FMN2: variants seen among roughly 807,000 people sequenced by gnomAD.
The protein encoded by FMN2 is formin 2.
Under a neutral mutation model 142.3 loss-of-function variants are expected in FMN2, and 51 were observed. The ratio of observed to expected loss-of-function variants is 0.36; its 90% CI spans 0.29 to 0.45. The LOEUF (loss-of-function observed/expected upper bound fraction) is 0.45. FMN2 is among the 20% of genes least tolerant of loss of function. FMN2 has a pLI of 1.00. For missense variants in FMN2, 1,936 were observed against 2,122.8 expected, an observed-to-expected ratio of 0.91 and a Z score of 1.73; for synonymous variants, 882 against 869.8, an observed-to-expected ratio of 1.01 and a Z score of -0.25.
chr1:240,321,326 A>C (rs1479565741), intron 8 of FMN2, among the ~76,000 whole-genome samples: 2 of 152,216 alleles, frequency 1.3e-5, no homozygotes, highest in African/African-American at 4.8e-5. Context: ...TAAAGCAAAA[A>C]TTAGAATGTT....
At chr1:240,114,447 C>A (rs1661939355) in intron 1 of FMN2, among the ~76,000 whole-genome samples, 1 of 152,024 alleles carries the variant, frequency 6.6e-6, no homozygotes, top group African/African-American at 2.4e-5. Flanking sequence ...TTATGATCAC[C>A]CCCAGCAGGG....
At position 240,392,527 on chromosome 1, in the gene FMN2, G is replaced by A. The variant is rs1352980512; in HGVS notation, c.4875G>A (p.Glu1625=). 2.5e-6 allele frequency: 4 copies of A among 1,609,804 alleles called. No individual in the cohort carries two copies. The highest frequency in any genetic ancestry group is 3.3e-4 in the Middle Eastern group (2 of 6,046). The stretch of plus-strand genomic sequence containing the variant: ...CACTTTCAGCCAAAATTGACCAAGA[G>A]GCAGAGGAAAATTCACTGACAGAGA... The part of the protein sequence containing the change: ...QFIIQAKIDQ[E]AEENSLTETH... Residue 1625 remains glutamate (E), a synonymous_variant, in exon 15 of 18, where the codon GAG becomes GAA. Coordinates refer to ENST00000319653, the MANE Select transcript of FMN2 (RefSeq NM_020066.5).
intron 13 of FMN2, chr1:240,341,542 C>A (rs914347944): frequency 9.9e-5 from 15 of 151,778 alleles, no homozygotes; most frequent in Non-Finnish European, 1.9e-4. Context: ...AAATAAAATT[C>A]AGTTGGAACA....
At chr1:240,168,164 A>G (rs1462649567) in intron 2 of FMN2, among the ~76,000 whole-genome samples, 1 of 152,172 alleles carries the variant, frequency 6.6e-6, no homozygotes, top group Middle Eastern at 3.2e-3. Flanking sequence ...GGGTTGTGCT[A>G]TTATTTTTTA....
chr1:240,259,405 G>T (rs1252824104), intron 7 of FMN2, among the ~76,000 whole-genome samples: 1 of 151,952 alleles, frequency 6.6e-6, no homozygotes, highest in Non-Finnish European at 1.5e-5. Flanking sequence ...GGCAGTAGTT[G>T]AAGGGTCATA....
intron 7 of FMN2, among the ~76,000 whole-genome samples, chr1:240,283,268 C>G (rs572921339): frequency 6.6e-6 from 1 of 152,240 alleles, no homozygotes; most frequent in East Asian, 1.9e-4. Flanking sequence ...ATTATAGATG[C>G]AGAGGAGGAA....
chr1:240,255,726 G>T (rs904669990), intron 6 of FMN2, among the ~76,000 whole-genome samples: 1 of 152,114 alleles, frequency 6.6e-6, no homozygotes, highest in Non-Finnish European at 1.5e-5. Flanking sequence ...TGGTGTTGGG[G>T]TGGAACTGAT....
chr1:240,351,457 T>C (rs984231776), intron 13 of FMN2, among the ~76,000 whole-genome samples: 1 of 152,124 alleles, frequency 6.6e-6, no homozygotes, highest in African/African-American at 2.4e-5. Flanking sequence ...AGAGCTGAAA[T>C]TCTACATGTT....
intron 5 of FMN2, 26 bp downstream of exon 5, chr1:240,208,758 G>A: frequency 5.0e-6 from 8 of 1,587,142 alleles, no homozygotes; most frequent in Non-Finnish European, 5.2e-6. Context: ...GCTCGTCTTT[G>A]CACAGTGTGT....
rs1558438974 is a variant in FMN2 at position 240,333,955 on chromosome 1, A to G, written c.4644+9A>G. 1 of 1,602,344 alleles carries G rather than the reference A, an allele frequency of 6.2e-7. No homozygotes were observed. The highest frequency in any genetic ancestry group is 1.7e-5 in the Admixed American group (1 of 59,198). ...TCCGAAATTTTGATGAGGTAAGACA[A>G]TTTTTACATATAGTCATATTCCATT... On this transcript the variant is annotated intron_variant, in intron 12 of 17. Transcript: ENST00000319653.
intron 2 of FMN2, among the ~76,000 whole-genome samples, chr1:240,146,020 C>T (rs964380361): frequency 2.0e-5 from 3 of 151,832 alleles, no homozygotes; most frequent in Admixed American, 2.0e-4. Context: ...CACTCTTCTT[C>T]CCAGGTGTAG....
At chr1:240,206,750 A>G (rs1416797777) in intron 4 of FMN2, 49 bp from the exon 5 acceptor site, 41 of 1,550,912 alleles carry the variant, frequency 2.6e-5, no homozygotes, top group African/African-American at 2.8e-5. Flanking sequence ...TGCTATTTGC[A>G]TTTTTCCTTA....
At chr1:240,469,973 A>T (rs9287243) in intron 16 of FMN2, among the ~76,000 whole-genome samples, 1 of 152,000 alleles carries the variant, frequency 6.6e-6, no homozygotes, top group South Asian at 2.1e-4. Flanking sequence ...GGTCTCTGCC[A>T]TAAGGAATGA....
chr1:240,180,891 G>A (rs1665124026), intron 3 of FMN2, among the ~76,000 whole-genome samples: 1 of 151,478 alleles, frequency 6.6e-6, no homozygotes, highest in Non-Finnish European at 1.5e-5. Flanking sequence ...TTAATTCAAA[G>A]TGAAAGAGTT....
At chr1:240,185,370 G>A (rs1665396022) in intron 3 of FMN2, among the ~76,000 whole-genome samples, 1 of 151,918 alleles carries the variant, frequency 6.6e-6, no homozygotes. Flanking sequence ...CTATTTTCCA[G>A]CTTATGATTT....
chr1:240,294,878 G>A lies in FMN2; in HGVS notation c.4210G>A (p.Glu1404Lys), dbSNP rs756685985. Residue 1404 changes from glutamate (E) to lysine (K), a missense_variant, in exon 8 of 18, where the codon GAG becomes AAG. Coordinates refer to ENST00000319653, the MANE Select transcript of FMN2 (RefSeq NM_020066.5). The stretch of plus-strand genomic sequence containing the variant: ...CCTGGAGACCCTTCAAGCTCTCTAT[G>A]AGAATGTGAGTAATAGAAGGAATTT... ...VDLETLQALY[E>K]NRAQSDELEK... The A allele has an allele frequency of 3.7e-6, 6 of 1,613,470 alleles. No homozygotes were observed. The highest frequency in any genetic ancestry group is 4.2e-6 in the Non-Finnish European group (5 of 1,179,516).
At chr1:240,224,624 C>G (rs1667237371) in intron 6 of FMN2, among the ~76,000 whole-genome samples, 1 of 152,254 alleles carries the variant, frequency 6.6e-6, no homozygotes, top group Non-Finnish European at 1.5e-5. Context: ...GTGTGGGAGT[C>G]TAAGTCTTGG....
chr1:240,365,258 C>T (rs931482002), intron 14 of FMN2, among the ~76,000 whole-genome samples: 1 of 76,642 alleles, frequency 1.3e-5, no homozygotes, highest in Admixed American at 1.3e-4. Context: ...TACATACATA[C>T]GTGTGCATAT....
chr1:240,434,369 C>T (rs1040345997), intron 15 of FMN2, among the ~76,000 whole-genome samples: 1 of 151,850 alleles, frequency 6.6e-6, no homozygotes, highest in Non-Finnish European at 1.5e-5. Context: ...TGGAATTTAC[C>T]CCTCCCACCC....
Sources: gnomAD v4.1 joint callset for allele counts (sites outside exome capture counted in the v4.1 genomes callset) on GRCh38, gnomAD v4.1.1 for gene constraint, MANE v1.5 for transcripts, NCBI Gene and HGNC (gene_info 2026-07-23, HGNC 2026-07-21) for gene names.